The following RYR2 variants were observed in gnomAD, a reference collection of about 807,000 sequenced individuals.
RYR2 encodes cardiac muscle ryanodine receptor-calcium release channel.
RYR2 carries 227 observed loss-of-function variants against 601.1 expected under a neutral mutation model. The observed-to-expected ratio is 0.38, with a 90% confidence interval of 0.34 to 0.42. The LOEUF (loss-of-function observed/expected upper bound fraction) is 0.42, where lower values mean the gene tolerates loss of function less well. RYR2 is among the 10% of genes least tolerant of loss of function. The pLI, the probability that RYR2 is intolerant of heterozygous loss-of-function variation, is 1.00. For missense variants in RYR2, 4,646 were observed against 6,156.5 expected (o/e 0.75, Z 8.21); for synonymous variants, 2,223 against 2,175.1 (o/e 1.02, Z -0.61).
chr1:237,064,868 G>A (rs1332190095), intron 1 of RYR2, among the ~76,000 whole-genome samples: 9 of 146,930 alleles, frequency 6.1e-5, no homozygotes, highest in African/African-American at 1.5e-4. Flanking sequence ...GCTCTTCAGC[G>A]ACTTCAAATA....
At chr1:237,433,686 A>G (rs563870655) in intron 12 of RYR2, among the ~76,000 whole-genome samples, 4 of 152,284 alleles carry the variant, frequency 2.6e-5, no homozygotes, top group South Asian at 4.1e-4. Flanking sequence ...TGTTACTGGT[A>G]GGTTGAAAAT....
chr1:237,687,772 G>A (rs1288574710), intron 63 of RYR2, among the ~76,000 whole-genome samples: 1 of 152,196 alleles, frequency 6.6e-6, no homozygotes, highest in African/African-American at 2.4e-5. Flanking sequence ...GAAAATGGCA[G>A]GCTGTGCCGT....
chr1:237,382,038 A>G (rs564394780), intron 8 of RYR2, among the ~76,000 whole-genome samples: 8 of 152,354 alleles, frequency 5.3e-5, no homozygotes, highest in African/African-American at 1.9e-4. Context: ...AATTTATTTC[A>G]AACTAAACAA....
chr1:237,538,394 CAAAAAAAAAAAAAAAA>C lies in RYR2; in HGVS notation c.2906+7902_2906+7917del, dbSNP rs10551995. On this transcript the variant is annotated intron_variant, in intron 25 of 104. Transcript: ENST00000366574. Reference sequence around the variant, plus strand: ...TGGGTGACAGAGCAAGACTCTGTCTCAAAAAAAAAAAAAAAAAAAAAAAAAAAAAAAAAGGGAAGAT... The same window carrying C: ...TGGGTGACAGAGCAAGACTCTGTCTCAAAAAAAAAAAAAAAAAGGGAAGAT... Among the ~76,000 whole-genome samples the C allele has an allele frequency of 4.6e-4, 15 of 32,896 alleles. 1 individual carries two copies. Among genetic ancestry groups the C allele is most frequent in the South Asian group, 2.4e-3 (1 of 414 alleles). 21.6% of individuals were successfully genotyped at this position (32,896 alleles called of 152,430 possible).
At position 237,718,244 on chromosome 1, in the gene RYR2, T is replaced by A. The variant is rs12080609; in HGVS notation, c.10495-218T>A. Among the ~76,000 whole-genome samples, 1,402 of 152,344 alleles carry A rather than the reference T, an allele frequency of 9.2e-3. 18 individuals are homozygous for A. The highest frequency in any genetic ancestry group is 0.032 in the African/African-American group (1,321 of 41,568). ...AACTTGATTCCATTGAATTTCAATG[T>A]CCTTACTGTGGAGGTAAAGCAGGTC... On this transcript the variant is annotated intron_variant, in intron 72 of 104. Transcript: ENST00000366574.
At chr1:237,658,228 C>T (rs928868310) in intron 54 of RYR2, among the ~76,000 whole-genome samples, 2 of 151,990 alleles carry the variant, frequency 1.3e-5, no homozygotes, top group African/African-American at 4.8e-5. Flanking sequence ...TATGAATAAG[C>T]ACTATTTTAA....
Position 237,625,785 on chromosome 1 carries a change from G to A in RYR2, c.6147G>A (p.Glu2049=). Residue 2049 remains glutamate (E), a synonymous_variant, in exon 40 of 105, where the codon GAG becomes GAA. Transcript: ENST00000366574. ...AGAAGCAAGCAGAAAAACCAGTTGA[G>A]AGTGACTCCAAAAAGTCCTGTAAGC... ...LKKKQAEKPV[E]SDSKKSSTLQ... is the part of the protein sequence containing the mutation. 1 of 1,613,576 alleles carries A rather than the reference G, an allele frequency of 6.2e-7. No homozygotes were observed. The highest frequency in any genetic ancestry group is 1.1e-5 in the South Asian group (1 of 91,060).
intron 3 of RYR2, among the ~76,000 whole-genome samples, chr1:237,338,471 A>G (rs1697451158): frequency 1.3e-5 from 2 of 152,206 alleles, no homozygotes; most frequent in Non-Finnish European, 2.9e-5. Context: ...ACATTAATCA[A>G]AAATAACTAA....
At chr1:237,121,863 T>C (rs543988115) in intron 1 of RYR2, among the ~76,000 whole-genome samples, 1 of 152,322 alleles carries the variant, frequency 6.6e-6, no homozygotes, top group South Asian at 2.1e-4. Flanking sequence ...GTGGTGTATT[T>C]GATAAAGTCT....
chr1:237,275,193 T>C (rs1190106250), intron 2 of RYR2, among the ~76,000 whole-genome samples: 1 of 151,406 alleles, frequency 6.6e-6, no homozygotes, highest in African/African-American at 2.4e-5. Flanking sequence ...ATTTATAGTA[T>C]TTTTTAATTA....
At chr1:237,158,727 C>T (rs752563021) in intron 1 of RYR2, among the ~76,000 whole-genome samples, 55 of 152,128 alleles carry the variant, frequency 3.6e-4, no homozygotes, top group Admixed American at 1.4e-3. Context: ...GGTTTCGTCT[C>T]CTCAGTGCTG....
chr1:237,145,224 A>G (rs1375440963), intron 1 of RYR2, among the ~76,000 whole-genome samples: 1 of 149,088 alleles, frequency 6.7e-6, no homozygotes, highest in Non-Finnish European at 1.5e-5. Flanking sequence ...TATAATAATA[A>G]AAAAAAAAAG....
Position 237,422,079 on chromosome 1 carries a change from A to G in RYR2, c.849-1013A>G, listed in dbSNP as rs138515714. 3.6e-4 allele frequency among the ~76,000 whole-genome samples: 55 copies of G among 152,228 alleles called. No individual in the cohort carries two copies. In the East Asian group the frequency reaches 0.01, roughly 28 times the overall value. ...TCCTCACTTTGCATGGTACGGTGTT[A>G]AGGGAAAGTCATGCACGATAGAACT... On this transcript the variant is annotated intron_variant, in intron 11 of 104. Transcript: ENST00000366574.
intron 15 of RYR2, among the ~76,000 whole-genome samples, chr1:237,455,981 A>G (rs1030668305): frequency 2.0e-5 from 3 of 152,192 alleles, no homozygotes; most frequent in Admixed American, 6.5e-5. Context: ...GGACTTGGAA[A>G]TGTTCTTAGG....
Position 237,417,019 on chromosome 1 carries a change from A to G in RYR2, c.774-30A>G, listed in dbSNP as rs377323019. The stretch of plus-strand genomic sequence containing the variant: ...AAAGAATGAAACATGTTTAACTCAC[A>G]TTTGGGCTTTTGTTTGTTTGTTGAA... On this transcript the variant is annotated intron_variant, in intron 10 of 104. Coordinates refer to ENST00000366574, the MANE Select transcript of RYR2 (RefSeq NM_001035.3). 12 of 1,602,504 alleles carry G rather than the reference A, an allele frequency of 7.5e-6. No homozygotes were observed. In the African/African-American group the frequency reaches 1.5e-4, roughly 20 times the overall value.
At chr1:237,628,642 A>G (rs1358470145) in intron 41 of RYR2, among the ~76,000 whole-genome samples, 3 of 152,166 alleles carry the variant, frequency 2.0e-5, no homozygotes, top group African/African-American at 7.2e-5. Flanking sequence ...GTTGCTCAGT[A>G]ATGAAACAAG....
chr1:237,162,096 C>T (rs1676080129), intron 1 of RYR2, among the ~76,000 whole-genome samples: 1 of 152,102 alleles, frequency 6.6e-6, no homozygotes, highest in South Asian at 2.1e-4. Context: ...ATGTGACAAC[C>T]AGGGCATCAT....
intron 100 of RYR2, among the ~76,000 whole-genome samples, chr1:237,818,173 A>G (rs1481680808): frequency 6.6e-6 from 1 of 152,250 alleles, no homozygotes; most frequent in Non-Finnish European, 1.5e-5. Flanking sequence ...GCTCCAAGCC[A>G]GTGACTCAAT....
intron 57 of RYR2, 65 bp from the exon 58 acceptor site, chr1:237,667,818 T>G: frequency 8.7e-7 from 1 of 1,149,964 alleles, no homozygotes; most frequent in Non-Finnish European, 1.3e-6. Flanking sequence ...TCTAATATTA[T>G]ATATTAGAAA....
Sources: gnomAD v4.1 joint callset for allele counts (sites outside exome capture counted in the v4.1 genomes callset) on GRCh38, gnomAD v4.1.1 for gene constraint, MANE v1.5 for transcripts, NCBI Gene and HGNC (gene_info 2026-07-23, HGNC 2026-07-21) for gene names.